The following KLHL3 variants were observed in gnomAD, a reference collection of about 807,000 sequenced individuals.
KLHL3 encodes the protein kelch-like protein 3.
Under a neutral mutation model 70.5 loss-of-function variants are expected in KLHL3, and 19 were observed. That is an observed-to-expected ratio of 0.27 (90% CI 0.19 to 0.40). The LOEUF is 0.40. Among genes scored for constraint, KLHL3 ranks in the 10% least tolerant of loss-of-function variants. The probability of loss-of-function intolerance (pLI) is 1.00; values close to 1 mark genes in which losing one functional copy is unlikely to be tolerated. For synonymous variants in KLHL3, 258 were observed against 290.3 expected, an observed-to-expected ratio of 0.89 and a Z score of 1.13; for missense variants, 512 against 771.1, an observed-to-expected ratio of 0.66 and a Z score of 3.98.
At chr5:137,708,846 CAG>C (rs1460061201) in intron 3 of KLHL3, among the ~76,000 whole-genome samples, 1 of 152,132 alleles carries the variant, frequency 6.6e-6, no homozygotes, top group Non-Finnish European at 1.5e-5. Flanking sequence ...TTCCAGGAAA[CAG>C]ACAAGAATGC....
chr5:137,711,189 C>T lies in KLHL3; in HGVS notation c.135-1333G>A, dbSNP rs149688101. ...GGATGGAAGAAAAGCTACATATTTG[C>T]TATCTCTGGTGTAGCACACTAAGTC... is the stretch of plus-strand genomic sequence containing the variant. On this transcript the variant is annotated intron_variant, in intron 2 of 14. Coordinates refer to ENST00000309755, the MANE Select transcript of KLHL3 (RefSeq NM_017415.3). 3.6e-3 allele frequency among the ~76,000 whole-genome samples: 554 copies of T among 152,328 alleles called. 2 individuals carry two copies. Among genetic ancestry groups the T allele is most frequent in the African/African-American group, 0.013 (537 of 41,576 alleles).
At chr5:137,644,162 G>A (rs771236368) in intron 8 of KLHL3, among the ~76,000 whole-genome samples, 4 of 152,078 alleles carry the variant, frequency 2.6e-5, no homozygotes, top group African/African-American at 4.8e-5. Flanking sequence ...TCCACCCCCC[G>A]GGTTCAAGCA....
chr5:137,627,512 C>G (rs1275963062), intron 13 of KLHL3, among the ~76,000 whole-genome samples: 1 of 138,732 alleles, frequency 7.2e-6, no homozygotes, highest in African/African-American at 2.7e-5. Flanking sequence ...AAGTCAGCCA[C>G]GAATGGGCTT....
chr5:137,735,955 G>A lies in KLHL3; in HGVS notation c.-309C>T. The A allele has an allele frequency of 6.3e-6, 3 of 472,814 alleles. No individual in the cohort carries two copies. The highest frequency in any genetic ancestry group is 1.2e-5 in the Non-Finnish European group (3 of 255,746). The allele number at this position is 472,814 out of a possible 1,614,324, so 29.3% of individuals were successfully genotyped here. ...AGGCTTGCTGCTCCTTGGTCTCCTAGGAACGGCGGCAGCTCCAGCGACCCA... is the reference window on the plus strand; with the variant it reads ...AGGCTTGCTGCTCCTTGGTCTCCTAAGAACGGCGGCAGCTCCAGCGACCCA... On this transcript the variant is annotated 5_prime_UTR_variant, in exon 1 of 15. Coordinates refer to ENST00000309755, the MANE Select transcript of KLHL3 (RefSeq NM_017415.3).
At position 137,621,955 on chromosome 5, in the gene KLHL3, C is replaced by T. The variant is rs1750319405; in HGVS notation, c.*143G>A. The T allele has an allele frequency of 1.2e-6, 1 of 854,784 alleles. No homozygotes were observed. The highest frequency in any genetic ancestry group is 2.4e-5 in the East Asian group (1 of 40,964). The allele number at this position is 854,784 out of a possible 1,614,324, so 52.9% of individuals were successfully genotyped here. A position where few individuals can be genotyped will look rare whatever the true frequency, so the allele number is the denominator to read the frequency against. ...GTGTCCACACTGCGATGAACAACAC[C>T]AGTCTGCCAAGTCAGAGGAGAGCGG... On this transcript the variant is annotated 3_prime_UTR_variant, in exon 15 of 15. Coordinates refer to ENST00000309755, the MANE Select transcript of KLHL3 (RefSeq NM_017415.3).
intron 5 of KLHL3, 139 bp from the exon 6 acceptor site, chr5:137,677,793 G>A (rs1432801174): frequency 1.2e-5 from 6 of 503,642 alleles, no homozygotes; most frequent in Non-Finnish European, 2.1e-5. Flanking sequence ...GTGAAACAAA[G>A]ACAGAGACAT....
At chr5:137,729,666 T>C (rs1580791081) in intron 1 of KLHL3, among the ~76,000 whole-genome samples, 1 of 152,296 alleles carries the variant, frequency 6.6e-6, no homozygotes, top group African/African-American at 2.4e-5. Flanking sequence ...TTGGCATGAC[T>C]CTGCTTCTCC....
At chr5:137,644,533 C>A (rs947024965) in intron 8 of KLHL3, among the ~76,000 whole-genome samples, 1 of 152,164 alleles carries the variant, frequency 6.6e-6, no homozygotes, top group African/African-American at 2.4e-5. Flanking sequence ...TGGATGCATA[C>A]CCAGTATGGG....
intron 14 of KLHL3, among the ~76,000 whole-genome samples, 196 bp from the exon 15 acceptor site, chr5:137,622,322 C>A (rs1007611672): frequency 6.6e-6 from 1 of 152,230 alleles, no homozygotes; most frequent in Non-Finnish European, 1.5e-5. Flanking sequence ...TGGCAAGACA[C>A]TTGAACCTAC....
chr5:137,633,631 CA>C (rs1028202916), intron 12 of KLHL3, among the ~76,000 whole-genome samples: 1 of 151,916 alleles, frequency 6.6e-6, no homozygotes, highest in African/African-American at 2.4e-5. Context: ...CTTATGCAAC[CA>C]AAAAAAGAGT....
At chr5:137,656,171 A>C (rs1751340519) in intron 8 of KLHL3, among the ~76,000 whole-genome samples, 3 of 151,676 alleles carry the variant, frequency 2.0e-5, no homozygotes, top group African/African-American at 7.3e-5. Context: ...ACAATATGCC[A>C]CCTTTTAAAG....
At chr5:137,730,527 G>A (rs191515884) in intron 1 of KLHL3, among the ~76,000 whole-genome samples, 22 of 152,256 alleles carry the variant, frequency 1.4e-4, no homozygotes, top group African/African-American at 5.1e-4. Flanking sequence ...TGTCATTCTT[G>A]TAACATGCTC....
intron 6 of KLHL3, among the ~76,000 whole-genome samples, chr5:137,669,149 A>G (rs1479850911): frequency 1.3e-5 from 2 of 152,160 alleles, no homozygotes. Flanking sequence ...CAAATTAGTG[A>G]GAAGACAGCA....
In KLHL3 at chr5:137,709,240, A is replaced by G. The variant is rs370876943; in HGVS notation, c.241+510T>C. On this transcript the variant is annotated intron_variant, in intron 3 of 14. Transcript: ENST00000309755. ...TTTTCCAAATCTCCTCCACTCCTGT[A>G]AAGACTAGCGGAGGTCCAGGGCCCC... Among the ~76,000 whole-genome samples, 80 of 152,326 alleles carry G rather than the reference A, an allele frequency of 5.3e-4. 1 individual carries two copies. The South Asian group carries it at 0.017, about 32-fold the overall frequency.
intron 2 of KLHL3, among the ~76,000 whole-genome samples, chr5:137,710,469 TTC>T (rs1050168164): frequency 8.5e-5 from 13 of 152,206 alleles, no homozygotes; most frequent in African/African-American, 3.1e-4. Context: ...GTAATTACCT[TTC>T]TGTTTGTCAC....
In KLHL3 at chr5:137,736,047, C is replaced by T. The variant is rs956682844; in HGVS notation, c.-401G>A. 2 of 337,836 alleles carry T rather than the reference C, an allele frequency of 5.9e-6. No homozygotes were observed. Among genetic ancestry groups the T allele is most frequent in the Non-Finnish European group, 1.2e-5 (2 of 172,578 alleles). 20.9% of individuals were successfully genotyped at this position (337,836 alleles called of 1,614,324 possible). On this transcript the variant is annotated 5_prime_UTR_variant, in exon 1 of 15. Coordinates refer to ENST00000309755, the MANE Select transcript of KLHL3 (RefSeq NM_017415.3). ...GCATCCCCAGCCCAGGCGATTAGCC[C>T]GCCCCTGGGGCTCCTGCCTCCTCTG...
intron 13 of KLHL3, among the ~76,000 whole-genome samples, chr5:137,627,858 A>G (rs1302748905): frequency 6.6e-6 from 1 of 152,206 alleles, no homozygotes; most frequent in Non-Finnish European, 1.5e-5. Context: ...GCAAGGAAGG[A>G]GACTGCTTTC....
intron 8 of KLHL3, among the ~76,000 whole-genome samples, chr5:137,654,331 C>T (rs780573969): frequency 1.3e-5 from 2 of 152,164 alleles, no homozygotes; most frequent in East Asian, 1.9e-4. Context: ...GGAAGCAGTT[C>T]GGTGTAAAAG....
In KLHL3 at chr5:137,733,921, A is replaced by C. The variant is rs186909655; in HGVS notation, c.14+1712T>G. 5.3e-5 allele frequency among the ~76,000 whole-genome samples: 8 copies of C among 152,348 alleles called. No homozygotes were observed. The East Asian group carries it at 1.5e-3, about 29-fold the overall frequency. On this transcript the variant is annotated intron_variant, in intron 1 of 14. Coordinates refer to ENST00000309755, the MANE Select transcript of KLHL3 (RefSeq NM_017415.3). ...AGGTATGACCTGGGTGACCTGGTGA[A>C]CATTGGAAGCTGCTCGGTTTGGATT...
Sources: allele counts gnomAD v4.1 joint callset (sites outside exome capture counted in the v4.1 genomes callset), GRCh38; gene constraint gnomAD v4.1.1; transcripts MANE v1.5; gene names NCBI Gene and HGNC (gene_info 2026-07-23, HGNC 2026-07-21).